CFAP69: variants seen among roughly 807,000 people sequenced by gnomAD.
The protein encoded by CFAP69 is cilia and flagella associated protein 69.
In CFAP69, 92 loss-of-function variants were observed where a neutral mutation model predicts 123.0. The observed-to-expected ratio is 0.75, with a 90% confidence interval of 0.63 to 0.89. CFAP69 has a LOEUF of 0.89. CFAP69 is among the 40% of genes least tolerant of loss of function. The probability of loss-of-function intolerance (pLI) is 0.00; values close to 1 mark genes in which losing one functional copy is unlikely to be tolerated. For missense variants in CFAP69, 1,067 were observed against 1,096.9 expected, an observed-to-expected ratio of 0.97 and a Z score of 0.39; for synonymous variants, 380 against 364.3, an observed-to-expected ratio of 1.04 and a Z score of -0.49.
chr7:90,262,566 A>T (rs2116760330), intron 4 of CFAP69, among the ~76,000 whole-genome samples: 1 of 152,228 alleles, frequency 6.6e-6, no homozygotes, highest in Non-Finnish European at 1.5e-5. Context: ...AACATGTCTT[A>T]TTCTTTCTAC....
chr7:90,263,395 G>A (rs748371460), intron 4 of CFAP69, among the ~76,000 whole-genome samples: 4 of 152,056 alleles, frequency 2.6e-5, no homozygotes, highest in African/African-American at 7.2e-5. Context: ...AAGCCTTTCC[G>A]TTTTGGCCTC....
At chr7:90,254,104 C>T (rs1797353080) in intron 1 of CFAP69, among the ~76,000 whole-genome samples, 1 of 152,164 alleles carries the variant, frequency 6.6e-6, no homozygotes, top group South Asian at 2.1e-4. Context: ...GTTCTTTCCC[C>T]ACTGTATGTT....
At chr7:90,303,452 A>G in intron 17 of CFAP69, 2 of 564,834 alleles carry the variant, frequency 3.5e-6, no homozygotes, top group Non-Finnish European at 4.5e-6. Flanking sequence ...GGTTTGTCAT[A>G]GATGGCTCTT....
In CFAP69 at chr7:90,304,070, A is replaced by G. The variant is rs1793202648; in HGVS notation, c.2152A>G (p.Ile718Val). 2 of 1,550,792 alleles carry G rather than the reference A, an allele frequency of 1.3e-6. No homozygotes were observed. Among genetic ancestry groups the G allele is most frequent in the Non-Finnish European group, 8.7e-7 (1 of 1,146,540 alleles). The part of the protein sequence containing the change: ...SIAVMDVSEN[I>V]RAKIYAILGK... ...TGCGGTTATGGATGTTTCTGAGAAT[A>G]TTAGAGCAAAAATTTATGCTATATT... The change falls in exon 18 of 23, where the codon ATT becomes GTT. Residue 718 changes from isoleucine to valine, a missense_variant. By Grantham distance (29) the Ile-to-Val change is conservative. Transcript: ENST00000389297.
At chr7:90,246,310 G>A (rs1180169755) in intron 1 of CFAP69, among the ~76,000 whole-genome samples, 1 of 152,204 alleles carries the variant, frequency 6.6e-6, no homozygotes, top group Non-Finnish European at 1.5e-5. Context: ...ATCCCCCAGA[G>A]AGCCCTGATC....
At chr7:90,322,290 A>G in the CFAP69 span, 3 of 152,244 alleles carry the variant, frequency 2.0e-5, no homozygotes, top group Non-Finnish European at 4.4e-5. Context: ...CGGATTAGGT[A>G]GGATATACAC....
intron 16 of CFAP69, among the ~76,000 whole-genome samples, chr7:90,299,591 T>C (rs1301041764): frequency 1.3e-5 from 2 of 152,140 alleles, no homozygotes; most frequent in Admixed American, 6.5e-5. Flanking sequence ...TGTGCAAATC[T>C]TTTTCCAACT....
Position 90,268,391 on chromosome 7 carries a change from T to A in CFAP69, c.532+7T>A. On this transcript the variant is annotated splice_region_variant and intron_variant, in intron 6 of 22. Coordinates refer to ENST00000389297, the MANE Select transcript of CFAP69 (RefSeq NM_001039706.3). Reference sequence around the variant, plus strand: ...CCAAAGAAGCATATTCCAGGTGAAGTTTACAATGGTCTTTCAGTGATAACT... The same window carrying A: ...CCAAAGAAGCATATTCCAGGTGAAGATTACAATGGTCTTTCAGTGATAACT... 2 of 1,578,654 alleles carry A rather than the reference T, an allele frequency of 1.3e-6. No individual in the cohort carries two copies. Among genetic ancestry groups the A allele is most frequent in the Non-Finnish European group, 1.7e-6 (2 of 1,151,132 alleles).
chr7:90,293,945 C>G (rs1032311954), intron 15 of CFAP69, among the ~76,000 whole-genome samples: 1 of 152,214 alleles, frequency 6.6e-6, no homozygotes, highest in Non-Finnish European at 1.5e-5. Context: ...ATTTCTTGCA[C>G]AAACTCCCTT....
chr7:90,245,581 G>T, intron 1 of CFAP69, 37 bp downstream of exon 1: 2 of 1,446,988 alleles, frequency 1.4e-6, no homozygotes, highest in Non-Finnish European at 1.8e-6. Context: ...AGGTGGAGGG[G>T]GTGGGAGTGA....
At chr7:90,276,252 A>G (rs1181253636) in intron 9 of CFAP69, 3 of 152,242 alleles carry the variant, frequency 2.0e-5, no homozygotes, top group African/African-American at 7.2e-5. Context: ...CATGCTGTGC[A>G]AATAGGGAAA....
intron 6 of CFAP69, 41 bp downstream of exon 6, chr7:90,268,425 T>C (rs373747438): frequency 2.6e-5 from 36 of 1,371,166 alleles, no homozygotes; most frequent in Non-Finnish European, 3.7e-5. Context: ...CTTGTGTATG[T>C]AGAAAACAGA....
At chr7:90,299,782 A>G in intron 16 of CFAP69, 85 bp from the exon 17 acceptor site, 1 of 1,099,632 alleles carries the variant, frequency 9.1e-7, no homozygotes, top group Non-Finnish European at 1.3e-6. Flanking sequence ...TAATGATAAT[A>G]GAAGTGTTTC....
At chr7:90,253,863 G>A (rs143356105) in intron 1 of CFAP69, among the ~76,000 whole-genome samples, 1 of 152,038 alleles carries the variant, frequency 6.6e-6, no homozygotes, top group East Asian at 1.9e-4. Context: ...GTCTATTTTT[G>A]CTTTTGTGGC....
intron 14 of CFAP69, among the ~76,000 whole-genome samples, chr7:90,287,184 A>G (rs1189150875): frequency 6.6e-6 from 1 of 151,670 alleles, no homozygotes; most frequent in Non-Finnish European, 1.5e-5. Context: ...TTGTGTGACT[A>G]TGCCAAAATG....
chr7:90,259,305 A>C lies in CFAP69; in HGVS notation c.246+1142A>C, dbSNP rs571740364. ...GTGCCCATATTCCTAGCTACTGGGA[A>C]GGCTAAGACAGGAGGATTGCTGAAA... is the stretch of plus-strand genomic sequence containing the variant. On this transcript the variant is annotated intron_variant, in intron 3 of 22. Transcript: ENST00000389297. 7.2e-5 allele frequency among the ~76,000 whole-genome samples: 11 copies of C among 152,282 alleles called. No homozygotes were observed. The South Asian group carries it at 1.7e-3, about 23-fold the overall frequency.
At chr7:90,290,204 T>C (rs916546504) in intron 15 of CFAP69, among the ~76,000 whole-genome samples, 3 of 152,104 alleles carry the variant, frequency 2.0e-5, no homozygotes, top group Non-Finnish European at 2.9e-5. Flanking sequence ...CTCACACAAT[T>C]ATAAAGGCTG....
chr7:90,284,461 G>A (rs982557428), intron 13 of CFAP69, among the ~76,000 whole-genome samples: 4 of 152,170 alleles, frequency 2.6e-5, no homozygotes, highest in Non-Finnish European at 5.9e-5. Context: ...TACTTCCTGT[G>A]TAGACACTGG....
chr7:90,271,069 T>C (rs10262472), intron 6 of CFAP69, among the ~76,000 whole-genome samples: 80,271 of 151,944 alleles, frequency 0.53, 21,745 homozygotes, highest in Middle Eastern at 0.6. Context: ...TATTTGTCAT[T>C]AAATCATTTT....
Sources: allele counts gnomAD v4.1 joint callset (sites outside exome capture counted in the v4.1 genomes callset), GRCh38; gene constraint gnomAD v4.1.1; transcripts MANE v1.5; gene names NCBI Gene and HGNC (gene_info 2026-07-23, HGNC 2026-07-21).